ACOX3: variants seen among roughly 807,000 people sequenced by gnomAD.
The protein encoded by ACOX3 is peroxisomal acyl-coenzyme A oxidase 3.
Under a neutral mutation model 81.5 loss-of-function variants are expected in ACOX3, and 73 were observed. That is an observed-to-expected ratio of 0.90 (90% confidence interval 0.74 to 1.09). ACOX3 has a LOEUF of 1.09. Among genes scored for constraint, ACOX3 ranks in the 50% least tolerant of loss-of-function variants. ACOX3 has a pLI of 0.00. For missense variants in ACOX3, 947 were observed against 928.0 expected, an observed-to-expected ratio of 1.02 and a Z score of -0.27; for synonymous variants, 387 against 375.1, an observed-to-expected ratio of 1.03 and a Z score of -0.37.
the ACOX3 span, among the ~76,000 whole-genome samples, chr4:8,359,540 T>C: frequency 6.6e-6 from 1 of 152,216 alleles, no homozygotes; most frequent in African/African-American, 2.4e-5. This position sits in a 1 kb window ranked among gnomAD's most constrained non-coding sequence, Gnocchi z 6.0. Context: ...TGCTATTCTC[T>C]TGGGATTAAT....
At chr4:8,355,655 G>C in the ACOX3 span, 4 of 152,220 alleles carry the variant, frequency 2.6e-5, no homozygotes, top group African/African-American at 9.6e-5. Context: ...TAGAGCATAA[G>C]AGTCTTCGTT....
chr4:8,389,779 G>A lies in ACOX3; in HGVS notation c.1301-45C>T, dbSNP rs747316012. ...GTACCATCATTTAAGACGCATATTT[G>A]AGAAGCAGCCTGTCACTATGTGAGA... On this transcript the variant is annotated intron_variant, in intron 11 of 17. Transcript: ENST00000356406. This position sits in a 1 kb window ranked among gnomAD's most constrained non-coding sequence, Gnocchi z 5.3. 3 of 1,605,780 alleles carry A rather than the reference G, an allele frequency of 1.9e-6. No individual in the cohort carries two copies. The highest frequency in any genetic ancestry group is 2.2e-5 in the South Asian group (2 of 90,698).
At position 8,391,494 on chromosome 4, in the gene ACOX3, C is replaced by G. The variant is rs139739771; in HGVS notation, c.1300+839G>C. Among the ~76,000 whole-genome samples the G allele has an allele frequency of 4.0e-3, 604 of 152,296 alleles. 5 individuals are homozygous for G. The highest frequency in any genetic ancestry group is 7.7e-3 in the South Asian group (37 of 4,824). ...TGTGTACATGGCCTTCTTTGAGCAA[C>G]CAGTTTTTGCCAGTTAATTATTTAA... On this transcript the variant is annotated intron_variant, in intron 11 of 17. Transcript: ENST00000356406.
chr4:8,414,920 T>C lies in ACOX3; in HGVS notation c.387A>G (p.Gly129=), dbSNP rs1253437512. Residue 129 remains glycine (G), a synonymous_variant, in exon 4 of 18, where the codon GGA becomes GGG. Coordinates refer to ENST00000356406, the MANE Select transcript of ACOX3 (RefSeq NM_003501.3). This position sits in a 1 kb window ranked among gnomAD's most constrained non-coding sequence, Gnocchi z 6.1. ...CAGAACCAGAACTGTAAACTGCTGA[T>C]CCAAAAACCTGAAAGTATAACATCG... is the stretch of plus-strand genomic sequence containing the variant. ...AKYLLHSLVF[G]SAVYSSGSER... is the part of the protein sequence containing the mutation. The C allele has an allele frequency of 5.0e-6, 8 of 1,614,242 alleles. No individual in the cohort carries two copies. The highest frequency in any genetic ancestry group is 6.8e-6 in the Non-Finnish European group (8 of 1,180,038).
intron 17 of ACOX3, among the ~76,000 whole-genome samples, chr4:8,369,318 G>C (rs1560163364): frequency 1.3e-5 from 2 of 152,144 alleles, no homozygotes; most frequent in Non-Finnish European, 2.9e-5. Context: ...GGTAGGGCAA[G>C]TCCCTCTCCT....
Position 8,381,763 on chromosome 4 carries a change from A to G in ACOX3, c.1538-156T>C, listed in dbSNP as rs1408240930. ...ATGGGGTGGGTCTGATTTTATAGGT[A>G]GGGAAACTGAAGCACAGGGAGGGCA... On this transcript the variant is annotated intron_variant, in intron 13 of 17. Coordinates refer to ENST00000356406, the MANE Select transcript of ACOX3 (RefSeq NM_003501.3). This position sits in a 1 kb window ranked among gnomAD's most constrained non-coding sequence, Gnocchi z 4.3. Among the ~76,000 whole-genome samples the G allele has an allele frequency of 6.6e-6, 1 of 152,168 alleles. No individual in the cohort carries two copies. Among genetic ancestry groups the G allele is most frequent in the Non-Finnish European group, 1.5e-5 (1 of 68,024 alleles).
rs1462714109 is a variant in ACOX3 at position 8,385,030 on chromosome 4, C to T, written c.1538-3423G>A. Among the ~76,000 whole-genome samples the T allele has an allele frequency of 1.3e-5, 2 of 152,182 alleles. No individual in the cohort carries two copies. The highest frequency in any genetic ancestry group is 2.9e-5 in the Non-Finnish European group (2 of 68,020). On this transcript the variant is annotated intron_variant, in intron 13 of 17. Transcript: ENST00000356406. This position sits in a 1 kb window ranked among gnomAD's most constrained non-coding sequence, Gnocchi z 5.5. The stretch of plus-strand genomic sequence containing the variant: ...ACTGTGGCCCCCCACACGCAGCAGC[C>T]CCCCACCGAGGGCACCATGGCCTGG...
chr4:8,380,569 G>A lies in ACOX3; in HGVS notation c.1653+923C>T, dbSNP rs141657700. Among the ~76,000 whole-genome samples, 156 of 152,272 alleles carry A rather than the reference G, an allele frequency of 1.0e-3. 1 individual carries two copies. Among genetic ancestry groups the A allele is most frequent in the African/African-American group, 3.3e-3 (137 of 41,560 alleles). On this transcript the variant is annotated intron_variant, in intron 14 of 17. Coordinates refer to ENST00000356406, the MANE Select transcript of ACOX3 (RefSeq NM_003501.3). Reference sequence around the variant, plus strand: ...ATCCCAGGGCAGGTGTGTCTAGCAGGTTCCTAGAGGAGCTGGCCTGAGGGG... The same window carrying A: ...ATCCCAGGGCAGGTGTGTCTAGCAGATTCCTAGAGGAGCTGGCCTGAGGGG...
Position 8,375,082 on chromosome 4 carries a change from A to C in ACOX3, c.1724T>G (p.Val575Gly). The C allele has an allele frequency of 6.4e-7, 1 of 1,554,138 alleles. No homozygotes were observed. ...CGAGGGCGGCACGGAAGGCTGGTGC[A>C]CGTGCTCGTGGAACCTCTGGACCAC... ...LTVVQRFHEHVHQPSVPPSLR... is the reference protein window; with the variant it reads ...LTVVQRFHEHGHQPSVPPSLR... Residue 575 changes from valine to glycine, a missense_variant, in exon 15 of 18, where the codon GTG becomes GGG. Val to Gly is a moderately radical substitution (Grantham distance 109). Coordinates refer to ENST00000356406, the MANE Select transcript of ACOX3 (RefSeq NM_003501.3).
chr4:8,410,899 C>T (rs959920931), intron 5 of ACOX3, among the ~76,000 whole-genome samples: 13 of 152,204 alleles, frequency 8.5e-5, no homozygotes. Context: ...AAGGAAGGAA[C>T]GCATGCGTGA....
rs569361295 is a variant in ACOX3, at chr4:8,406,144, C to T, written c.688-101G>A. 8.9e-5 allele frequency: 101 copies of T among 1,129,020 alleles called. No individual in the cohort carries two copies. The African/African-American group carries it at 1.0e-3, about 12-fold the overall frequency. 69.9% of individuals were successfully genotyped at this position (1,129,020 alleles called of 1,614,324 possible). ...CCCACAGGGTGGGCCATGGGCTCAA[C>T]GCTGGGCGGCTGTGGGTTAAACCAT... On this transcript the variant is annotated intron_variant, in intron 6 of 17. Coordinates refer to ENST00000356406, the MANE Select transcript of ACOX3 (RefSeq NM_003501.3). The surrounding 1 kb of genome is among the most constrained non-coding windows in gnomAD (Gnocchi z 5.6).
downstream of ACOX3, among the ~76,000 whole-genome samples, chr4:8,361,425 C>CCAA (rs1560158854): frequency 2.3e-4 from 9 of 39,028 alleles, 1 homozygote; most frequent in Non-Finnish European, 2.1e-4. Flanking sequence ...GACTCTATCT[C>CCAA]AAAAAAAAAA....
chr4:8,377,674 G>A (rs989003425), intron 14 of ACOX3, among the ~76,000 whole-genome samples: 4 of 152,110 alleles, frequency 2.6e-5, no homozygotes, highest in African/African-American at 9.7e-5. Context: ...AGCAGTCACC[G>A]GGGGGGACAC....
rs113667512 is a variant in ACOX3, at chr4:8,370,345, G to T, written c.1983+563C>A. Among the ~76,000 whole-genome samples, 4 of 152,050 alleles carry T rather than the reference G, an allele frequency of 2.6e-5. No homozygotes were observed. Among genetic ancestry groups the T allele is most frequent in the Non-Finnish European group, 5.9e-5 (4 of 67,988 alleles). ...GAGGAGGCTGGTGGAGGCTCCCTCAGGGGGGCGGCCTGACCCCATCTGCTA... is the reference window on the plus strand; with the variant it reads ...GAGGAGGCTGGTGGAGGCTCCCTCATGGGGGCGGCCTGACCCCATCTGCTA... On this transcript the variant is annotated intron_variant, in intron 17 of 17. Coordinates refer to ENST00000356406, the MANE Select transcript of ACOX3 (RefSeq NM_003501.3). The surrounding 1 kb of genome is among the most constrained non-coding windows in gnomAD (Gnocchi z 6.3).
In ACOX3 at chr4:8,384,735, C is replaced by A. The variant is rs979676903; in HGVS notation, c.1538-3128G>T. Among the ~76,000 whole-genome samples the A allele has an allele frequency of 3.3e-5, 5 of 152,196 alleles. No individual in the cohort carries two copies. The highest frequency in any genetic ancestry group is 1.2e-4 in the African/African-American group (5 of 41,450). ...CCGTCTCTGGGTCCAGTCCCCTCTG[C>A]GTCAGCATCAGAGCACTCCTAACTC... On this transcript the variant is annotated intron_variant, in intron 13 of 17. Transcript: ENST00000356406. This position sits in a 1 kb window ranked among gnomAD's most constrained non-coding sequence, Gnocchi z 5.3.
intron 1 of ACOX3, among the ~76,000 whole-genome samples, chr4:8,439,723 T>G (rs753796458): frequency 3.3e-5 from 5 of 152,204 alleles, no homozygotes; most frequent in Non-Finnish European, 7.3e-5. Context: ...ATAAGAGAAT[T>G]TAAAACCCTC....
At chr4:8,391,192 G>A (rs1282166411) in intron 11 of ACOX3, among the ~76,000 whole-genome samples, 2 of 152,160 alleles carry the variant, frequency 1.3e-5, no homozygotes, top group African/African-American at 4.8e-5. Flanking sequence ...AGGGCATTGC[G>A]CAGAGGACAA....
rs1225678674 is a variant in ACOX3, at chr4:8,406,107, T to C, written c.688-64A>G. The C allele has an allele frequency of 6.5e-7, 1 of 1,534,512 alleles. No individual in the cohort carries two copies. Among genetic ancestry groups the C allele is most frequent in the Non-Finnish European group, 9.0e-7 (1 of 1,110,144 alleles). On this transcript the variant is annotated intron_variant, in intron 6 of 17. Coordinates refer to ENST00000356406, the MANE Select transcript of ACOX3 (RefSeq NM_003501.3). The surrounding 1 kb of genome is among the most constrained non-coding windows in gnomAD (Gnocchi z 5.6). ...ACAATCACACAAAAATCAAAACAAA[T>C]GTGTTCAGAAACCCACAGGGTGGGC...
At chr4:8,360,297 TAA>T in the ACOX3 span, among the ~76,000 whole-genome samples, 3 of 152,234 alleles carry the variant, frequency 2.0e-5, no homozygotes, top group Non-Finnish European at 4.4e-5. Flanking sequence ...GTCAGAAAAG[TAA>T]AAAGTGTAAT....
Sources: gnomAD v4.1 joint callset for allele counts (sites outside exome capture counted in the v4.1 genomes callset) on GRCh38, gnomAD v4.1.1 for gene constraint, Gnocchi (gnomAD v3.1) non-coding constraint, MANE v1.5 for transcripts, NCBI Gene and HGNC (gene_info 2026-07-23, HGNC 2026-07-21) for gene names.